The following CILP variants were observed in gnomAD, a reference collection of about 807,000 sequenced individuals.
CILP encodes cartilage intermediate layer protein 1.
CILP carries 75 observed loss-of-function variants against 82.5 expected under a neutral mutation model. That is an observed-to-expected ratio of 0.91 (90% CI 0.75 to 1.10). The LOEUF is 1.10. CILP is among the 50% of genes least tolerant of loss of function. The pLI, the probability that CILP is intolerant of heterozygous loss-of-function variation, is 0.00. For synonymous variants in CILP, 530 were observed against 580.3 expected (o/e 0.91, Z 1.25); for missense variants, 1,479 against 1,530.8 (o/e 0.97, Z 0.56).
At chr15:65,205,129 G>A (rs1168158460) in intron 5 of CILP, among the ~76,000 whole-genome samples, 158 bp downstream of exon 5, 3 of 152,138 alleles carry the variant, frequency 2.0e-5, no homozygotes, top group South Asian at 2.1e-4. Context: ...ATATTATCCT[G>A]TATATCTCTC....
rs754934309 is a variant in CILP at position 65,198,285 on chromosome 15, C to T, written c.2001G>A (p.Glu667=). The change falls in exon 9 of 9, where the codon GAG becomes GAA. Residue 667 remains glutamate, a synonymous_variant. Transcript: ENST00000261883. ...YGMFSVDFRD[E]VTSEPLNAGK... is the part of the protein sequence containing the mutation. ...CAGCATTAAGTGGCTCTGAGGTGAC[C>T]TCATCTCTGAAGTCCACAGAGAACA... 2.4e-5 allele frequency: 38 copies of T among 1,614,100 alleles called. No individual in the cohort carries two copies. The highest frequency in any genetic ancestry group is 3.2e-5 in the Non-Finnish European group (38 of 1,180,058).
In CILP at chr15:65,198,328, G is replaced by A. The variant is rs771376236; in HGVS notation, c.1958C>T (p.Pro653Leu). 1.2e-5 allele frequency: 20 copies of A among 1,614,238 alleles called. No individual in the cohort carries two copies. Among genetic ancestry groups the A allele is most frequent in the Non-Finnish European group, 1.7e-5 (20 of 1,180,046 alleles). ...AGAGAACATGCCATACGTCCGAAGG[G>A]GGAAAGTGTCTCCTTCGTCATTGAT... Reference protein sequence around the residue: ...NFINDEGDTFPLRTYGMFSVD... With the variant: ...NFINDEGDTFLLRTYGMFSVD... The change falls in exon 9 of 9, where the codon CCC (proline) becomes CTC (leucine). Residue 653 changes from proline to leucine, a missense_variant. Transcript: ENST00000261883.
intron 2 of CILP, among the ~76,000 whole-genome samples, chr15:65,208,851 T>C (rs2088551188): frequency 6.6e-6 from 1 of 152,140 alleles, no homozygotes; most frequent in South Asian, 2.1e-4. Context: ...CCTCAGATGG[T>C]TGAATGTTAA....
chr15:65,196,400 G>A lies in CILP; in HGVS notation c.*331C>T. Reference sequence around the variant, plus strand: ...TCTTCAGCATCAGATTATCACTATTGCAGAGGTGGGCAAAACCATGCAAAA... The same window carrying A: ...TCTTCAGCATCAGATTATCACTATTACAGAGGTGGGCAAAACCATGCAAAA... On this transcript the variant is annotated 3_prime_UTR_variant, in exon 9 of 9. Coordinates refer to ENST00000261883, the MANE Select transcript of CILP (RefSeq NM_003613.4). The A allele has an allele frequency of 4.3e-6, 1 of 234,776 alleles. No homozygotes were observed. Among genetic ancestry groups the A allele is most frequent in the Middle Eastern group, 1.4e-3 (1 of 698 alleles). The allele number at this position is 234,776 out of a possible 1,614,324, so 14.5% of individuals were successfully genotyped here.
intron 6 of CILP, 21 bp from the exon 7 acceptor site, chr15:65,203,491 T>C (rs1422083667): frequency 6.5e-5 from 104 of 1,588,342 alleles, no homozygotes; most frequent in Non-Finnish European, 8.1e-5. Flanking sequence ...AAATGAGAAA[T>C]AGCATTTTGG....
At chr15:65,201,221 C>T (rs988497365) in intron 8 of CILP, among the ~76,000 whole-genome samples, 46 of 152,126 alleles carry the variant, frequency 3.0e-4, no homozygotes, top group African/African-American at 1.0e-3. Context: ...AGGCTGGTCT[C>T]GAACTCCAAA....
chr15:65,198,210 G>A lies in CILP; in HGVS notation c.2076C>T (p.His692=). ...GTGACCAGAGTTTCACTGTGGATAT[G>A]TGCTCTGGCATCTTGACCTGGGTCG... is the stretch of plus-strand genomic sequence containing the variant. ...LDSTQVKMPE[H]ISTVKLWSLN... is the part of the protein sequence containing the mutation. Residue 692 remains histidine, a synonymous_variant, in exon 9 of 9, where the codon CAC becomes CAT. Transcript: ENST00000261883. The A allele has an allele frequency of 1.2e-6, 2 of 1,614,244 alleles. No homozygotes were observed. The highest frequency in any genetic ancestry group is 1.1e-5 in the South Asian group (1 of 91,082).
rs1223260392 is a variant in CILP, at chr15:65,198,249, C to T, written c.2037G>A (p.Lys679=). The change falls in exon 9 of 9, where the codon AAG becomes AAA. Residue 679 remains lysine (K), a synonymous_variant. Transcript: ENST00000261883. ...TGACCTGGGTCGAGTCAAGGTGGAC[C>T]TTCACTTTGCCAGCATTAAGTGGCT... ...TSEPLNAGKV[K]VHLDSTQVKM... 2 of 1,614,144 alleles carry T rather than the reference C, an allele frequency of 1.2e-6. No homozygotes were observed. Among genetic ancestry groups the T allele is most frequent in the East Asian group, 2.2e-5 (1 of 44,902 alleles).
Position 65,197,882 on chromosome 15 carries a change from C to T in CILP, c.2404G>A (p.Gly802Ser). 2 of 1,613,750 alleles carry T rather than the reference C, an allele frequency of 1.2e-6. No individual in the cohort carries two copies. Among genetic ancestry groups the T allele is most frequent in the Non-Finnish European group, 1.7e-6 (2 of 1,179,924 alleles). ...GCAGGCACACAGGCCCCGTTGGGGC[C>T]TGTGATGACACTGTCAAAGCGGCCC... ...AWGRFDSVIT[G>S]PNGACVPAFC... Residue 802 changes from glycine (G) to serine (S), a missense_variant, in exon 9 of 9, where the codon GGC (glycine) becomes AGC (serine). Transcript: ENST00000261883.
chr15:65,201,654 G>A (rs544287318), intron 8 of CILP, among the ~76,000 whole-genome samples: 2 of 148,308 alleles, frequency 1.3e-5, no homozygotes, highest in African/African-American at 5.0e-5. Context: ...ACTTGAACCT[G>A]GGAGGCAGAG....
At chr15:65,203,057 G>C (rs183507731) in intron 7 of CILP, among the ~76,000 whole-genome samples, 3 of 152,008 alleles carry the variant, frequency 2.0e-5, no homozygotes, top group Non-Finnish European at 4.4e-5. Flanking sequence ...GGCTGGTCTC[G>C]AGCTCCTGGG....
At chr15:65,201,577 A>G (rs2088452650) in intron 8 of CILP, among the ~76,000 whole-genome samples, 1 of 151,880 alleles carries the variant, frequency 6.6e-6, no homozygotes, top group Non-Finnish European at 1.5e-5. Context: ...AAAAATATAA[A>G]AATTAGCCAG....
intron 4 of CILP, among the ~76,000 whole-genome samples, chr15:65,206,520 T>A (rs1309930362): frequency 6.6e-6 from 1 of 152,100 alleles, no homozygotes; most frequent in Non-Finnish European, 1.5e-5. Flanking sequence ...ATGGTACCAC[T>A]CAAACATAAT....
rs267604289 is a variant in CILP at position 65,197,699 on chromosome 15, C to T, written c.2587G>A (p.Asp863Asn). ...TTTTTAACCCGTGGATCCTCATGGT[C>T]CGTCCGACGGTAGTTGAGCTTGTTG... The part of the protein sequence containing the change: ...YLNKLNYRRT[D>N]HEDPRVKKTA... Residue 863 changes from aspartate to asparagine, a missense_variant, in exon 9 of 9, where the codon GAC becomes AAC. Asp to Asn is a conservative substitution (Grantham distance 23, BLOSUM62 1). Coordinates refer to ENST00000261883, the MANE Select transcript of CILP (RefSeq NM_003613.4). The T allele has an allele frequency of 3.1e-6, 5 of 1,613,450 alleles. No individual in the cohort carries two copies. The South Asian group carries it at 4.4e-5, about 14-fold the overall frequency.
chr15:65,202,887 G>A (rs1033083899), intron 7 of CILP, among the ~76,000 whole-genome samples: 11 of 148,614 alleles, frequency 7.4e-5, no homozygotes, highest in Non-Finnish European at 3.0e-5. Context: ...TCAGGCTGGA[G>A]TGCAGTGGTG....
rs766302312 is a variant in CILP, at chr15:65,196,825, C to T, written c.3461G>A (p.Arg1154Lys). The change falls in exon 9 of 9, where the codon AGG becomes AAG. Residue 1154 changes from arginine to lysine, a missense_variant. Transcript: ENST00000261883. ...GCCACCCCTGCTCGCTCGCTGCTGC[C>T]TCCTCGAGGGCACTCTTCCTTGGAC... ...GTVQGRVPSR[R>K]QQRASRGGQR... is the part of the protein sequence containing the mutation. The T allele has an allele frequency of 6.2e-6, 10 of 1,611,948 alleles. No homozygotes were observed. The Admixed American group carries it at 1.7e-4, about 27-fold the overall frequency.
chr15:65,201,874 A>G lies in CILP; in HGVS notation c.1184T>C (p.Ile395Thr), dbSNP rs2073711. The change falls in exon 8 of 9, where the codon ATA becomes ACA. Residue 395 changes from isoleucine to threonine, a missense_variant and splice_region_variant. Physicochemically the swap from Ile to Thr is moderately conservative, Grantham distance 89. Coordinates refer to ENST00000261883, the MANE Select transcript of CILP (RefSeq NM_003613.4). The stretch of plus-strand genomic sequence containing the variant: ...CCCAGGGACCCAGACAGGCTTACCT[A>G]TGACAATCAGCTGGGCAACCTTGGA... The part of the protein sequence containing the change: ...VKSKVAQLIV[I>T]ASDETPCNPV... 925,000 of 1,534,168 alleles carry G rather than the reference A, an allele frequency of 0.6. 285,531 individuals are homozygous for G. The highest frequency in any genetic ancestry group is 0.64 in the African/African-American group (46,003 of 71,358).
chr15:65,204,882 G>A (rs754497290), intron 5 of CILP, among the ~76,000 whole-genome samples: 3 of 152,146 alleles, frequency 2.0e-5, no homozygotes, highest in Non-Finnish European at 4.4e-5. Context: ...AGCTGGGCAT[G>A]GTGACACGCA....
chr15:65,198,244 T>A lies in CILP; in HGVS notation c.2042A>T (p.His681Leu), dbSNP rs754215632. ...EPLNAGKVKVHLDSTQVKMPE... is the reference protein window; with the variant it reads ...EPLNAGKVKVLLDSTQVKMPE... ...CATCTTGACCTGGGTCGAGTCAAGG[T>A]GGACCTTCACTTTGCCAGCATTAAG... The change falls in exon 9 of 9, where the codon CAC (histidine) becomes CTC (leucine). Residue 681 changes from histidine (H) to leucine (L), a missense_variant. Transcript: ENST00000261883. 1 of 1,614,246 alleles carries A rather than the reference T, an allele frequency of 6.2e-7. No individual in the cohort carries two copies. Among genetic ancestry groups the A allele is most frequent in the Non-Finnish European group, 8.5e-7 (1 of 1,180,046 alleles).
Sources: allele counts gnomAD v4.1 joint callset (sites outside exome capture counted in the v4.1 genomes callset), GRCh38; gene constraint gnomAD v4.1.1; transcripts MANE v1.5; gene names NCBI Gene and HGNC (gene_info 2026-07-23, HGNC 2026-07-21).